ZNF536: variants seen among roughly 807,000 people sequenced by gnomAD.
The protein encoded by ZNF536 is zinc finger protein 536.
A neutral mutation model predicts 84.5 loss-of-function variants in ZNF536; 13 were observed. The observed-to-expected ratio is 0.15, with a 90% CI of 0.10 to 0.24. The LOEUF (loss-of-function observed/expected upper bound fraction) is 0.24, where lower values mean the gene tolerates loss of function less well. Among genes scored for constraint, ZNF536 ranks in the 10% least tolerant of loss-of-function variants. The probability of loss-of-function intolerance (pLI) is 1.00; values close to 1 mark genes in which losing one functional copy is unlikely to be tolerated. For synonymous variants in ZNF536, 811 were observed against 742.5 expected, an observed-to-expected ratio of 1.09 and a Z score of -1.50; for missense variants, 1,536 against 1,747.5, an observed-to-expected ratio of 0.88 and a Z score of 2.16.
intron 1 of ZNF536, among the ~76,000 whole-genome samples, chr19:30,440,367 C>T (rs936045631): frequency 6.6e-6 from 1 of 151,998 alleles, no homozygotes; most frequent in Non-Finnish European, 1.5e-5. Flanking sequence ...TGGACTTGTG[C>T]GAAGGCTGAG....
At chr19:30,653,243 A>G (rs2049776725) in intron 1 of ZNF536, among the ~76,000 whole-genome samples, 1 of 152,194 alleles carries the variant, frequency 6.6e-6, no homozygotes, top group African/African-American at 2.4e-5. Flanking sequence ...AGGACCCTCT[A>G]TCCTGCCCTT....
chr19:30,655,413 A>G (rs548946479), intron 1 of ZNF536, among the ~76,000 whole-genome samples: 24 of 152,334 alleles, frequency 1.6e-4, no homozygotes, highest in African/African-American at 5.8e-4. Context: ...TGCAAGGGGA[A>G]TGCCATACTG....
chr19:30,460,885 A>G (rs2053103892), intron 2 of ZNF536, among the ~76,000 whole-genome samples: 1 of 152,132 alleles, frequency 6.6e-6, no homozygotes. Flanking sequence ...TCTCAAGCAC[A>G]AGGGAACAGC....
At chr19:30,442,852 T>C (rs1012014262) in intron 1 of ZNF536, among the ~76,000 whole-genome samples, 2 of 152,258 alleles carry the variant, frequency 1.3e-5, no homozygotes, top group African/African-American at 4.8e-5. Context: ...TATAATCATG[T>C]GTTACAGCAC....
At chr19:30,523,294 A>G (rs1039052578) in intron 2 of ZNF536, among the ~76,000 whole-genome samples, 1 of 152,190 alleles carries the variant, frequency 6.6e-6, no homozygotes, top group African/African-American at 2.4e-5. Flanking sequence ...GCCACTATTA[A>G]TTGGAGCATA....
intron 3 of ZNF536, among the ~76,000 whole-genome samples, chr19:30,364,058 T>C (rs1172732866): frequency 6.6e-6 from 1 of 152,088 alleles, no homozygotes; most frequent in Non-Finnish European, 1.5e-5. Context: ...AGGTGTGAGA[T>C]GTATAGGATA....
At chr19:30,695,371 G>T (rs1254059012) in intron 1 of ZNF536, among the ~76,000 whole-genome samples, 1 of 152,204 alleles carries the variant, frequency 6.6e-6, no homozygotes, top group Admixed American at 6.5e-5. Context: ...TGCAGAGCCC[G>T]CCAGAGGGCA....
chr19:30,641,494 A>G (rs2049265990), intron 1 of ZNF536, among the ~76,000 whole-genome samples: 2 of 152,364 alleles, frequency 1.3e-5, no homozygotes, highest in Non-Finnish European at 2.9e-5. Context: ...GTATAAACGT[A>G]TGGCTACACT....
exon 2 of ZNF536, chr19:30,711,217 C>T (rs888801854): frequency 6.6e-6 from 1 of 151,798 alleles, no homozygotes; most frequent in Non-Finnish European, 1.5e-5. Context: ...TACCCGGCAA[C>T]AAGTACTTCC....
At chr19:30,549,602 A>G in intron 4 of ZNF536, 88 bp downstream of exon 4, 2 of 1,370,372 alleles carry the variant, frequency 1.5e-6, no homozygotes, top group Non-Finnish European at 1.9e-6. Context: ...AGACTTATCC[A>G]TGAGCAACTT....
At chr19:30,553,118 A>G (rs6510167) in intron 4 of ZNF536, among the ~76,000 whole-genome samples, 69,168 of 152,094 alleles carry the variant, frequency 0.45, 17,303 homozygotes, top group African/African-American at 0.68. Context: ...GAATTTGGAT[A>G]TGCCCTTGGT....
At chr19:30,686,462 A>G (rs1410841052) in intron 1 of ZNF536, among the ~76,000 whole-genome samples, 1 of 152,146 alleles carries the variant, frequency 6.6e-6, no homozygotes, top group East Asian at 1.9e-4. Context: ...GGGCACTGAC[A>G]ATGGAAGCTG....
intron 1 of ZNF536, among the ~76,000 whole-genome samples, chr19:30,259,474 T>C (rs1483353122): frequency 1.3e-5 from 2 of 152,186 alleles, no homozygotes; most frequent in African/African-American, 4.8e-5. Flanking sequence ...CCCAGACCCA[T>C]CTAATCGGAA....
intron 1 of ZNF536, among the ~76,000 whole-genome samples, chr19:30,582,960 C>T (rs1186053205): frequency 6.6e-6 from 1 of 152,170 alleles, no homozygotes; most frequent in African/African-American, 2.4e-5. Flanking sequence ...GATGTGGTCT[C>T]ACTATGTTAC....
At chr19:30,266,176 G>A (rs1172080439) in intron 1 of ZNF536, among the ~76,000 whole-genome samples, 4 of 152,190 alleles carry the variant, frequency 2.6e-5, no homozygotes, top group African/African-American at 9.7e-5. Flanking sequence ...AGCCTCCTGA[G>A]TAGCTGAGAC....
chr19:30,514,247 G>T (rs1472170727), intron 2 of ZNF536, among the ~76,000 whole-genome samples: 1 of 152,034 alleles, frequency 6.6e-6, no homozygotes, highest in Non-Finnish European at 1.5e-5. Context: ...CATCCAACTG[G>T]GTGGTTAGGG....
intron 1 of ZNF536, among the ~76,000 whole-genome samples, chr19:30,241,814 A>G (rs1020720356): frequency 5.3e-5 from 8 of 152,206 alleles, no homozygotes; most frequent in Non-Finnish European, 8.8e-5. Context: ...AACCGTGCCC[A>G]CGAAGACTAG....
chr19:30,701,235 A>G (rs1265804606), intron 1 of ZNF536, among the ~76,000 whole-genome samples: 3 of 151,904 alleles, frequency 2.0e-5, no homozygotes, highest in Non-Finnish European at 4.4e-5. Flanking sequence ...ACACACAGAC[A>G]CACACAAACA....
chr19:30,594,763 G>A (rs897551611), intron 1 of ZNF536, among the ~76,000 whole-genome samples: 2 of 151,924 alleles, frequency 1.3e-5, no homozygotes, highest in African/African-American at 2.4e-5. Context: ...GCGAGAAGCC[G>A]CTGCTTGGAT....
Sources: gnomAD v4.1 joint callset for allele counts (sites outside exome capture counted in the v4.1 genomes callset) on GRCh38, gnomAD v4.1.1 for gene constraint, MANE v1.5 for transcripts, NCBI Gene and HGNC (gene_info 2026-07-23, HGNC 2026-07-21) for gene names.